The following SEMA3C variants were observed in gnomAD, a reference collection of about 807,000 sequenced individuals.
SEMA3C encodes semaphorin-3C.
A neutral mutation model predicts 89.4 loss-of-function variants in SEMA3C; 47 were observed. The observed-to-expected ratio is 0.53, with a 90% CI of 0.42 to 0.67. SEMA3C has a LOEUF of 0.67. Ranked by LOEUF, SEMA3C falls within the 30% of genes least tolerant of loss-of-function variation. SEMA3C has a pLI of 0.00. For synonymous variants in SEMA3C, 310 were observed against 320.2 expected (o/e 0.97, Z 0.34); for missense variants, 839 against 929.1 (o/e 0.90, Z 1.26).
intron 2 of SEMA3C, among the ~76,000 whole-genome samples, chr7:80,885,390 G>A (rs1443361776): frequency 6.6e-6 from 1 of 152,084 alleles, no homozygotes; most frequent in Non-Finnish European, 1.5e-5. Flanking sequence ...GCTGAGGTGG[G>A]CGGACTGCTT....
intron 2 of SEMA3C, among the ~76,000 whole-genome samples, chr7:80,898,762 A>T (rs1458420982): frequency 6.6e-6 from 1 of 151,978 alleles, no homozygotes; most frequent in Non-Finnish European, 1.5e-5. Context: ...TAATTATGCA[A>T]AATAGTATTA....
intron 2 of SEMA3C, among the ~76,000 whole-genome samples, chr7:80,887,357 G>A (rs1357817920): frequency 1.6e-4 from 24 of 150,194 alleles, no homozygotes. Context: ...AACTTTATGT[G>A]AGTTTCTCTG....
intron 5 of SEMA3C, among the ~76,000 whole-genome samples, chr7:80,814,354 C>T (rs1196661031): frequency 6.6e-6 from 1 of 152,086 alleles, no homozygotes; most frequent in African/African-American, 2.4e-5. Context: ...TCCCTAAGTG[C>T]TGTGATTACA....
intron 12 of SEMA3C, among the ~76,000 whole-genome samples, chr7:80,777,519 T>G (rs1788578694): frequency 6.6e-6 from 1 of 152,162 alleles, no homozygotes. Context: ...CTCAAACTCC[T>G]GACCTCAGGT....
In SEMA3C at chr7:80,849,438, GTTTCT is replaced by G. The variant is rs1185476750; in HGVS notation, c.104-20698_104-20694del. Among the ~76,000 whole-genome samples the G allele has an allele frequency of 3.3e-5, 5 of 151,808 alleles. No individual in the cohort carries two copies. The South Asian group carries it at 6.2e-4, about 19-fold the overall frequency. On this transcript the variant is annotated intron_variant, in intron 2 of 17. Coordinates refer to ENST00000265361, the MANE Select transcript of SEMA3C (RefSeq NM_006379.5). ...TTGTTTTTAAACTGATCAACTATAA[GTTTCT>G]TTTATCATTATCTCTATTTCATGCA...
At chr7:80,856,311 C>T (rs1790638390) in intron 2 of SEMA3C, among the ~76,000 whole-genome samples, 1 of 151,798 alleles carries the variant, frequency 6.6e-6, no homozygotes, top group African/African-American at 2.4e-5. Context: ...ATGTAGCAGG[C>T]AGGCAAACCA....
chr7:80,910,531 C>T (rs1792118859), intron 2 of SEMA3C, among the ~76,000 whole-genome samples: 1 of 152,096 alleles, frequency 6.6e-6, no homozygotes, highest in African/African-American at 2.4e-5. Context: ...CTTTCTGTTC[C>T]TTGCCTTTAA....
intron 10 of SEMA3C, among the ~76,000 whole-genome samples, chr7:80,800,022 G>C (rs1181163704): frequency 6.7e-6 from 1 of 150,020 alleles, no homozygotes; most frequent in East Asian, 2.0e-4. Flanking sequence ...GCGTGGTGGC[G>C]GGCGCCTGTA....
At chr7:80,862,692 T>C (rs927450703) in intron 2 of SEMA3C, among the ~76,000 whole-genome samples, 2 of 152,186 alleles carry the variant, frequency 1.3e-5, no homozygotes, top group African/African-American at 2.4e-5. Flanking sequence ...GATTTCAAAC[T>C]ATACTATAAG....
In SEMA3C at chr7:80,788,725, C is replaced by T. The variant is rs564751823; in HGVS notation, c.1354+581G>A. On this transcript the variant is annotated intron_variant, in intron 12 of 17. Coordinates refer to ENST00000265361, the MANE Select transcript of SEMA3C (RefSeq NM_006379.5). The stretch of plus-strand genomic sequence containing the variant: ...TCAAAAAACCTGTCTATATTTGAGT[C>T]ACATTCACTTCCAAATGTTATATTG... Among the ~76,000 whole-genome samples, 202 of 152,214 alleles carry T rather than the reference C, an allele frequency of 1.3e-3. 1 individual carries two copies. Among genetic ancestry groups the T allele is most frequent in the African/African-American group, 4.2e-3 (176 of 41,534 alleles).
intron 11 of SEMA3C, 140 bp downstream of exon 11, chr7:80,797,952 T>G (rs1200233558): frequency 1.4e-6 from 1 of 736,906 alleles, no homozygotes; most frequent in African/African-American, 1.9e-5. Flanking sequence ...GAGCTGAGAT[T>G]GCACCACTAC....
At chr7:80,886,437 T>A (rs1791480864) in intron 2 of SEMA3C, among the ~76,000 whole-genome samples, 1 of 151,390 alleles carries the variant, frequency 6.6e-6, no homozygotes, top group Non-Finnish European at 1.5e-5. Flanking sequence ...CACTGCAACC[T>A]CCGCCTCCTG....
In SEMA3C at chr7:80,745,575, C is replaced by T. The variant is rs1405103160; in HGVS notation, c.1843-268G>A. On this transcript the variant is annotated intron_variant, in intron 17 of 17. Transcript: ENST00000265361. Reference sequence around the variant, plus strand: ...ATATCAGCAAAAATAGCTTAAAGTGCTTTCCCCTGGATAGATGTTTCTCCA... The same window carrying T: ...ATATCAGCAAAAATAGCTTAAAGTGTTTTCCCCTGGATAGATGTTTCTCCA... Among the ~76,000 whole-genome samples the T allele has an allele frequency of 1.3e-5, 2 of 151,774 alleles. 1 individual carries two copies.
At chr7:80,825,786 T>A (rs1317757794) in intron 4 of SEMA3C, among the ~76,000 whole-genome samples, 1 of 152,004 alleles carries the variant, frequency 6.6e-6, no homozygotes, top group East Asian at 1.9e-4. Flanking sequence ...GGGAAAAAAA[T>A]CTCATTAGAG....
At chr7:80,885,094 G>A (rs1338419481) in intron 2 of SEMA3C, among the ~76,000 whole-genome samples, 1 of 152,134 alleles carries the variant, frequency 6.6e-6, no homozygotes, top group Non-Finnish European at 1.5e-5. Context: ...TTTAGAATGA[G>A]ACAAGAAAGA....
rs1788112268 is a variant in SEMA3C at position 80,758,383 on chromosome 7, A to G, written c.1591T>C (p.Tyr531His). ...CADCCLARDP[Y>H]CAWDGHSCSR... ...CAGGAATGGCCATCCCAGGCGCAAT[A>G]AGGGTCCCGCGCCAGGCAGCAGTCA... Residue 531 changes from tyrosine (Y) to histidine (H), a missense_variant, in exon 15 of 18, where the codon TAT becomes CAT. Coordinates refer to ENST00000265361, the MANE Select transcript of SEMA3C (RefSeq NM_006379.5). The G allele has an allele frequency of 3.7e-6, 6 of 1,614,036 alleles. No individual in the cohort carries two copies. In the East Asian group the frequency reaches 1.3e-4, roughly 36 times the overall value.
intron 15 of SEMA3C, among the ~76,000 whole-genome samples, chr7:80,751,995 T>C (rs892376875): frequency 1.3e-5 from 2 of 152,218 alleles, no homozygotes; most frequent in Non-Finnish European, 2.9e-5. Context: ...CATTAATTTC[T>C]TTCTCTCTCA....
In SEMA3C at chr7:80,773,160, A is replaced by AT. The variant is rs539080090; in HGVS notation, c.1355-7918dup. On this transcript the variant is annotated intron_variant, in intron 12 of 17. Transcript: ENST00000265361. ...ATAGAAATGTTACAATTTTTTTTCT[A>AT]TTTTTAGCTAAAATAACACATTTTC... is the stretch of plus-strand genomic sequence containing the variant. Among the ~76,000 whole-genome samples, 291 of 152,178 alleles carry AT rather than the reference A, an allele frequency of 1.9e-3. 1 individual carries two copies. Among genetic ancestry groups the AT allele is most frequent in the Middle Eastern group, 6.8e-3 (2 of 294 alleles).
chr7:80,883,218 C>T (rs1791394195), intron 2 of SEMA3C, among the ~76,000 whole-genome samples: 1 of 152,002 alleles, frequency 6.6e-6, no homozygotes, highest in South Asian at 2.1e-4. Context: ...ATAATTATAC[C>T]AAATCAACAG....
Sources: allele counts gnomAD v4.1 joint callset (sites outside exome capture counted in the v4.1 genomes callset), GRCh38; gene constraint gnomAD v4.1.1; transcripts MANE v1.5; gene names NCBI Gene and HGNC (gene_info 2026-07-23, HGNC 2026-07-21).